NUP153: variants seen among roughly 807,000 people sequenced by gnomAD.
NUP153 encodes nuclear pore complex protein Nup153.
In NUP153, 27 loss-of-function variants were observed where a neutral mutation model predicts 134.6. That is an observed-to-expected ratio of 0.20 (90% CI 0.15 to 0.28). The LOEUF (loss-of-function observed/expected upper bound fraction) is 0.28, where lower values mean the gene tolerates loss of function less well. Among genes scored for constraint, NUP153 ranks in the 10% least tolerant of loss-of-function variants. The probability of loss-of-function intolerance (pLI) is 1.00; values close to 1 mark genes in which losing one functional copy is unlikely to be tolerated. For synonymous variants in NUP153, 640 were observed against 623.5 expected (o/e 1.03, Z -0.40); for missense variants, 1,821 against 1,731.3 (o/e 1.05, Z -0.92).
intron 13 of NUP153, among the ~76,000 whole-genome samples, chr6:17,646,920 T>TG (rs1272352977): frequency 1.4e-5 from 2 of 142,700 alleles, no homozygotes; most frequent in Non-Finnish European, 3.0e-5. Flanking sequence ...TGTATTTTCT[T>TG]TTTTTTTTTT....
intron 2 of NUP153, among the ~76,000 whole-genome samples, chr6:17,681,382 C>A (rs143313125): frequency 1.7e-5 from 2 of 116,488 alleles, no homozygotes; most frequent in African/African-American, 6.4e-5. Context: ...GTCAGGAGAT[C>A]GAGACCATCC....
Position 17,628,619 on chromosome 6 carries a change from A to AAAATAAT in NUP153, c.3544+35_3544+36insATTATTT. The AAAATAAT allele has an allele frequency of 1.3e-5, 15 of 1,159,000 alleles. No homozygotes were observed. Among genetic ancestry groups the AAAATAAT allele is most frequent in the Non-Finnish European group, 1.5e-5 (14 of 916,056 alleles). 71.8% of individuals were successfully genotyped at this position (1,159,000 alleles called of 1,614,324 possible). A position where few individuals can be genotyped will look rare whatever the true frequency, so the allele number is the denominator to read the frequency against. ...GTAAAACGACAACTTGTAAAAAAAA[A>AAAATAAT]AATAATAATAATAATAATAAAAAGT... On this transcript the variant is annotated intron_variant, in intron 18 of 21. Coordinates refer to ENST00000262077, the MANE Select transcript of NUP153 (RefSeq NM_005124.4). This position sits in a 1 kb window ranked among gnomAD's most constrained non-coding sequence, Gnocchi z 5.4.
In NUP153 at chr6:17,628,640, A is replaced by T. The variant is rs765744871; in HGVS notation, c.3544+15T>A. 33 of 1,258,996 alleles carry T rather than the reference A, an allele frequency of 2.6e-5. No homozygotes were observed. The highest frequency in any genetic ancestry group is 1.2e-4 in the South Asian group (4 of 33,412). The allele number at this position is 1,258,996 out of a possible 1,614,324, so 78.0% of individuals were successfully genotyped here. On this transcript the variant is annotated intron_variant, in intron 18 of 21. Coordinates refer to ENST00000262077, the MANE Select transcript of NUP153 (RefSeq NM_005124.4). This position sits in a 1 kb window ranked among gnomAD's most constrained non-coding sequence, Gnocchi z 5.4. ...AAAAAAATAATAATAATAATAATAA[A>T]AAGTTAATACTTACCAGCTGTAGTA... is the stretch of plus-strand genomic sequence containing the variant.
chr6:17,654,156 AAC>A (rs1364901747), intron 11 of NUP153, among the ~76,000 whole-genome samples: 1 of 152,120 alleles, frequency 6.6e-6, no homozygotes, highest in African/African-American at 2.4e-5. Flanking sequence ...AGGGAGGAGG[AAC>A]AAACAAAAGA....
intron 1 of NUP153, among the ~76,000 whole-genome samples, chr6:17,691,401 T>G (rs546259413): frequency 6.6e-6 from 1 of 152,318 alleles, no homozygotes; most frequent in South Asian, 2.1e-4. Context: ...AAAACACACC[T>G]AATACTAGTT....
chr6:17,639,841 T>C, intron 15 of NUP153, 98 bp downstream of exon 15: 1 of 1,090,916 alleles, frequency 9.2e-7, no homozygotes, highest in Non-Finnish European at 1.3e-6. Context: ...CCTACCAAAC[T>C]AGTCAGAAAT....
chr6:17,626,670 C>T (rs975445206), intron 18 of NUP153, among the ~76,000 whole-genome samples: 2 of 152,222 alleles, frequency 1.3e-5, no homozygotes, highest in African/African-American at 4.8e-5. Flanking sequence ...CTTGTTTCCT[C>T]TACTGTTATC....
At chr6:17,686,308 G>C (rs1305240098) in intron 2 of NUP153, among the ~76,000 whole-genome samples, 4 of 152,134 alleles carry the variant, frequency 2.6e-5, no homozygotes, top group Non-Finnish European at 5.9e-5. Context: ...GACAAGATGT[G>C]GGGGTAGAAA....
intron 2 of NUP153, among the ~76,000 whole-genome samples, chr6:17,678,113 T>C (rs2113837287): frequency 6.6e-6 from 1 of 152,182 alleles, no homozygotes; most frequent in East Asian, 1.9e-4. Context: ...CCCAGCACTT[T>C]GGGAGGCCAA....
intron 9 of NUP153, 90 bp from the exon 10 acceptor site, chr6:17,662,160 A>C: frequency 8.4e-7 from 1 of 1,188,648 alleles, no homozygotes; most frequent in Non-Finnish European, 1.2e-6. Flanking sequence ...TAATATTTAG[A>C]ATCAGGAATT....
At chr6:17,635,104 CTT>C (rs59700511) in intron 16 of NUP153, among the ~76,000 whole-genome samples, 2,386 of 104,128 alleles carry the variant, frequency 0.023, 13 homozygotes, top group African/African-American at 0.055. Flanking sequence ...CTTGGCTTAT[CTT>C]TTTTTTTTTT....
rs1764353718 is a variant in NUP153 at position 17,616,710 on chromosome 6, G to A, written c.4175-15C>T. 6.2e-7 allele frequency: 1 copy of A among 1,602,636 alleles called. No individual in the cohort carries two copies. The highest frequency in any genetic ancestry group is 1.1e-5 in the South Asian group (1 of 89,762). On this transcript the variant is annotated splice_polypyrimidine_tract_variant and intron_variant, in intron 20 of 21. Coordinates refer to ENST00000262077, the MANE Select transcript of NUP153 (RefSeq NM_005124.4). Reference sequence around the variant, plus strand: ...GAAAGCCGAACCTGCAATAGTTAAAGCAGAAATACTTCATTAGGGCAAAAT... The same window carrying A: ...GAAAGCCGAACCTGCAATAGTTAAAACAGAAATACTTCATTAGGGCAAAAT...
intron 16 of NUP153, among the ~76,000 whole-genome samples, chr6:17,636,118 G>C (rs1765535750): frequency 6.6e-6 from 1 of 152,224 alleles, no homozygotes; most frequent in South Asian, 2.1e-4. Context: ...TAGATCACTT[G>C]ATGTCAGGAG....
At chr6:17,669,137 G>GGC (rs1767739500) in intron 7 of NUP153, 109 bp from the exon 8 acceptor site, 1 of 1,017,952 alleles carries the variant, frequency 9.8e-7, no homozygotes, top group East Asian at 2.4e-5. Context: ...GGAGTGCAGT[G>GGC]GCGCGATCTT....
At chr6:17,654,180 A>G (rs1176557970) in intron 11 of NUP153, among the ~76,000 whole-genome samples, 1 of 152,184 alleles carries the variant, frequency 6.6e-6, no homozygotes, top group Non-Finnish European at 1.5e-5. Flanking sequence ...GCATCTGGCT[A>G]TTTTTGTAGG....
chr6:17,687,959 C>CA (rs1001598720), intron 2 of NUP153, among the ~76,000 whole-genome samples: 78 of 147,566 alleles, frequency 5.3e-4, no homozygotes, highest in African/African-American at 1.5e-3. Flanking sequence ...TAAAAAATAC[C>CA]AAAAAAAAAA....
rs1770521224 is a variant in NUP153 at position 17,706,641 on chromosome 6, C to T, written c.-254G>A. 1.8e-6 allele frequency: 1 copy of T among 553,564 alleles called. No individual in the cohort carries two copies. Among genetic ancestry groups the T allele is most frequent in the South Asian group, 2.1e-5 (1 of 48,546 alleles). The allele number at this position is 553,564 out of a possible 1,614,324, so 34.3% of individuals were successfully genotyped here. On this transcript the variant is annotated 5_prime_UTR_variant, in exon 1 of 22. Coordinates refer to ENST00000262077, the MANE Select transcript of NUP153 (RefSeq NM_005124.4). The surrounding 1 kb of genome is among the most constrained non-coding windows in gnomAD (Gnocchi z 5.9). The stretch of plus-strand genomic sequence containing the variant: ...GCTCCGGTCCGGCCGCCTCTGCGGA[C>T]CCCCGCCTCTGTGTGTGTCACGGTC...
chr6:17,701,533 G>T (rs1339994105), intron 1 of NUP153, among the ~76,000 whole-genome samples: 2 of 150,972 alleles, frequency 1.3e-5, no homozygotes, highest in Non-Finnish European at 3.0e-5. Context: ...GTGGTGGCAC[G>T]TGCCTGTAGT....
chr6:17,671,179 C>T (rs1488606873), intron 5 of NUP153, among the ~76,000 whole-genome samples: 1 of 152,056 alleles, frequency 6.6e-6, no homozygotes, highest in Non-Finnish European at 1.5e-5. Context: ...GATGCAGTTT[C>T]CTTTTTAAAT....
Sources: gnomAD v4.1 joint callset for allele counts (sites outside exome capture counted in the v4.1 genomes callset) on GRCh38, gnomAD v4.1.1 for gene constraint, Gnocchi (gnomAD v3.1) non-coding constraint, MANE v1.5 for transcripts, NCBI Gene and HGNC (gene_info 2026-07-23, HGNC 2026-07-21) for gene names.